The following GBP3 variants were observed in gnomAD, a reference collection of about 807,000 sequenced individuals.
GBP3 encodes the protein guanylate binding protein 3.
A neutral mutation model predicts 62.4 loss-of-function variants in GBP3; 55 were observed. The observed-to-expected ratio is 0.88, with a 90% CI of 0.71 to 1.10. GBP3 has a LOEUF of 1.10. Ranked by LOEUF, GBP3 falls within the 50% of genes least tolerant of loss-of-function variation. GBP3 has a pLI of 0.00. For synonymous variants in GBP3, 208 were observed against 259.2 expected (o/e 0.80, Z 1.90); for missense variants, 605 against 690.6 (o/e 0.88, Z 1.39).
intron 10 of GBP3, among the ~76,000 whole-genome samples, chr1:89,008,117 C>T (rs940659277): frequency 1.3e-5 from 2 of 151,840 alleles, no homozygotes; most frequent in Non-Finnish European, 2.9e-5. Flanking sequence ...TTATACAAAA[C>T]CTTTGTGGGA....
intron 8 of GBP3, among the ~76,000 whole-genome samples, chr1:89,009,856 A>C (rs149517639): frequency 6.6e-6 from 1 of 152,304 alleles, no homozygotes; most frequent in African/African-American, 2.4e-5. Context: ...GAAGAGAGGG[A>C]GAGAACTGTG....
rs1197768723 is a variant in GBP3 at position 89,013,351 on chromosome 1, A to C, written c.702T>G (p.Phe234Leu). Residue 234 changes from phenylalanine to leucine, a missense_variant, in exon 6 of 11, where the codon TTT (phenylalanine) becomes TTG (leucine). By Grantham distance (22) the Phe-to-Leu change is conservative. Coordinates refer to ENST00000370481, the MANE Select transcript of GBP3 (RefSeq NM_018284.3). ...TGCGGTGAATGGGCAGATCGAAGAC[A>C]AAACATTTTTTCTTTGGGAAGAACT... is the stretch of plus-strand genomic sequence containing the variant. ...IRKFFPKKKC[F>L]VFDLPIHRRK... is the part of the protein sequence containing the mutation. 3 of 1,614,058 alleles carry C rather than the reference A, an allele frequency of 1.9e-6. No homozygotes were observed. The highest frequency in any genetic ancestry group is 2.7e-5 in the African/African-American group (2 of 74,928).
Position 89,020,661 on chromosome 1 carries a change from G to T in GBP3, c.61C>A (p.Leu21Met), listed in dbSNP as rs146600269. ...TTCAGAGCTTCTGGATTCGCCACCA[G>T]TTCCCCATTAGTGTTCTCAATGAGG... Reference protein sequence around the residue: ...MCLIENTNGELVANPEALKIL... With the variant: ...MCLIENTNGEMVANPEALKIL... Residue 21 changes from leucine to methionine, a missense_variant, in exon 2 of 11, where the codon CTG becomes ATG. Leu to Met is a conservative substitution (Grantham distance 15). Transcript: ENST00000370481. 323 of 1,614,062 alleles carry T rather than the reference G, an allele frequency of 2.0e-4. No individual in the cohort carries two copies. Among genetic ancestry groups the T allele is most frequent in the Non-Finnish European group, 2.5e-4 (294 of 1,180,020 alleles).
Position 89,010,977 on chromosome 1 carries a change from C to A in GBP3, c.1289G>T (p.Gly430Val). ...VKAGIYSKPGGYCLFIQKLQD... is the reference protein window; with the variant it reads ...VKAGIYSKPGVYCLFIQKLQD... The stretch of plus-strand genomic sequence containing the variant: ...TAGCTTCTGAATAAAGAGACAATAG[C>A]CCCCTGGTTTCGAATAAATTCCCGC... The change falls in exon 8 of 11, where the codon GGC (glycine) becomes GTC (valine). Residue 430 changes from glycine (G) to valine (V), a missense_variant. Physicochemically the swap from Gly to Val is moderately radical, Grantham distance 109. Transcript: ENST00000370481. The A allele has an allele frequency of 6.8e-7, 1 of 1,461,546 alleles. No homozygotes were observed. The highest frequency in any genetic ancestry group is 1.4e-5 in the African/African-American group (1 of 73,820). The allele number at this position is 1,461,546 out of a possible 1,614,324, so 90.5% of individuals were successfully genotyped here. A position where few individuals can be genotyped will look rare whatever the true frequency, so the allele number is the denominator to read the frequency against.
At chr1:89,017,946 G>A (rs568548070) in intron 2 of GBP3, among the ~76,000 whole-genome samples, 4 of 152,190 alleles carry the variant, frequency 2.6e-5, no homozygotes, top group Admixed American at 2.6e-4. Context: ...ATGCATGGTG[G>A]CAGGTGCCTG....
intron 2 of GBP3, among the ~76,000 whole-genome samples, chr1:89,016,557 G>A (rs1340901228): frequency 6.6e-6 from 1 of 152,050 alleles, no homozygotes; most frequent in Non-Finnish European, 1.5e-5. Flanking sequence ...AACCATAGAG[G>A]GGAATGACTT....
chr1:89,021,510 G>GCACACACACACACACA (rs1553178198), intron 1 of GBP3, among the ~76,000 whole-genome samples: 31 of 131,738 alleles, frequency 2.4e-4, no homozygotes, highest in African/African-American at 5.4e-4. Context: ...GCGCGCGCGC[G>GCACACACACACACACA]CACACACACA....
At chr1:89,014,711 C>T in intron 3 of GBP3, 55 bp from the exon 4 acceptor site, 1 of 1,607,078 alleles carries the variant, frequency 6.2e-7, no homozygotes, top group Non-Finnish European at 8.5e-7. Context: ...ACAGCACTTT[C>T]CAGAGTGACA....
In GBP3 at chr1:89,015,308, C is replaced by G; in HGVS notation, c.297G>C (p.Glu99Asp). ...TTACCTTCTTTACATCTCCCAGGCC[C>G]TCAGTGTCAAGCAGGACTAAGGTGT... ...PEHTLVLLDT[E>D]GLGDVKKGDN... Residue 99 changes from glutamate (E) to aspartate (D), a missense_variant, in exon 3 of 11, where the codon GAG becomes GAC. Physicochemically the swap from Glu to Asp is conservative, Grantham distance 45. This residue lies in a region of GBP3 where 308 missense variants were observed against 318.0 expected (regional missense o/e 0.97). Transcript: ENST00000370481. The G allele has an allele frequency of 6.2e-7, 1 of 1,611,462 alleles. No individual in the cohort carries two copies. The highest frequency in any genetic ancestry group is 8.5e-7 in the Non-Finnish European group (1 of 1,178,850).
At chr1:89,013,478 C>T (rs1237563498) in intron 5 of GBP3, 51 bp from the exon 6 acceptor site, 13 of 1,542,636 alleles carry the variant, frequency 8.4e-6, no homozygotes, top group East Asian at 4.5e-5. Context: ...TTCCGTAAAG[C>T]GTCAAATAGT....
intron 2 of GBP3, among the ~76,000 whole-genome samples, chr1:89,016,330 C>G (rs1198422149): frequency 6.6e-6 from 1 of 152,024 alleles, no homozygotes; most frequent in African/African-American, 2.4e-5. Context: ...GTGGTGAAAC[C>G]CTGTCTCTAC....
intron 6 of GBP3, among the ~76,000 whole-genome samples, chr1:89,012,370 C>G (rs1346469628): frequency 7.2e-6 from 1 of 138,872 alleles, no homozygotes; most frequent in Non-Finnish European, 1.7e-5. Context: ...TGACTGTATC[C>G]TCAGCTTATT....
chr1:89,010,864 G>A (rs772121351), intron 8 of GBP3, 40 bp downstream of exon 8: 1 of 1,461,476 alleles, frequency 6.8e-7, no homozygotes, highest in East Asian at 2.3e-5. Context: ...TAGGAGGTAG[G>A]TCAGCAGGTT....
chr1:89,021,830 A>AGG, intron 1 of GBP3, among the ~76,000 whole-genome samples: 1 of 107,514 alleles, frequency 9.3e-6, no homozygotes, highest in Non-Finnish European at 2.3e-5. Flanking sequence ...AGAGAGAGAG[A>AGG]GAAAGTGCCA....
intron 7 of GBP3, 61 bp from the exon 8 acceptor site, chr1:89,011,177 G>C: frequency 6.9e-7 from 1 of 1,454,064 alleles, no homozygotes. Context: ...CTTGACCTCA[G>C]AATTTTGGGA....
chr1:89,017,563 A>C (rs1215570481), intron 2 of GBP3, among the ~76,000 whole-genome samples: 1 of 152,226 alleles, frequency 6.6e-6, no homozygotes, highest in South Asian at 2.1e-4. Flanking sequence ...CATTTGCTAA[A>C]CGTGTATCTG....
Position 89,015,421 on chromosome 1 carries a change from A to C in GBP3, c.191-7T>G. On this transcript the variant is annotated splice_region_variant and splice_polypyrimidine_tract_variant and intron_variant, in intron 2 of 10. Coordinates refer to ENST00000370481, the MANE Select transcript of GBP3 (RefSeq NM_018284.3). ...GTGGAGCCCAGAGAGAAGCCTGTAA[A>C]GGAGAGATGGGATAAGAAGGGCTGG... 1 of 1,609,292 alleles carries C rather than the reference A, an allele frequency of 6.2e-7. No homozygotes were observed.
intron 9 of GBP3, 102 bp from the exon 10 acceptor site, chr1:89,009,242 C>T (rs1678416457): frequency 7.3e-7 from 1 of 1,374,306 alleles, no homozygotes; most frequent in Non-Finnish European, 1.0e-6. Context: ...ATGCCCTACT[C>T]AGAGATGACC....
chr1:89,021,540 A>ACC, intron 1 of GBP3, among the ~76,000 whole-genome samples: 1 of 144,144 alleles, frequency 6.9e-6, no homozygotes, highest in East Asian at 2.1e-4. Context: ...ACACACACAC[A>ACC]CACACCCCAA....
Sources: gnomAD v4.1 joint callset for allele counts (sites outside exome capture counted in the v4.1 genomes callset) on GRCh38, gnomAD v4.1.1 for gene constraint, gnomAD v4.1.1 regional missense constraint, MANE v1.5 for transcripts, NCBI Gene and HGNC (gene_info 2026-07-23, HGNC 2026-07-21) for gene names.